The following KCNIP4 variants were observed in gnomAD, a reference collection of about 807,000 sequenced individuals.
KCNIP4 encodes the protein potassium voltage-gated channel interacting protein 4, also known as Kv channel-interacting protein 4.
KCNIP4 carries 12 observed loss-of-function variants against 34.0 expected under a neutral mutation model. The ratio of observed to expected loss-of-function variants is 0.35; its 90% CI spans 0.23 to 0.57. KCNIP4 has a LOEUF of 0.57. KCNIP4 is among the 20% of genes least tolerant of loss of function. KCNIP4 has a pLI of 0.83. For synonymous variants in KCNIP4, 124 were observed against 102.2 expected (o/e 1.21, Z -1.29); for missense variants, 238 against 311.7 (o/e 0.76, Z 1.78).
intron 1 of KCNIP4, among the ~76,000 whole-genome samples, chr4:21,547,685 G>A (rs562032261): frequency 1.3e-5 from 2 of 152,176 alleles, no homozygotes; most frequent in South Asian, 2.1e-4. Flanking sequence ...ACATAAGGCC[G>A]AATGTCTGTT....
chr4:21,522,585 A>G (rs1337009757), intron 1 of KCNIP4, among the ~76,000 whole-genome samples: 5 of 152,042 alleles, frequency 3.3e-5, no homozygotes, highest in Admixed American at 3.3e-4. Context: ...AAAAAATAAG[A>G]CAAAAAATGC....
intron 1 of KCNIP4, among the ~76,000 whole-genome samples, chr4:21,854,473 G>C (rs1465698911): frequency 6.6e-6 from 1 of 151,906 alleles, no homozygotes; most frequent in Non-Finnish European, 1.5e-5. Flanking sequence ...ATCTACATTG[G>C]TCTTCTCCCC....
At chr4:21,237,929 A>G (rs191318230) in intron 1 of KCNIP4, among the ~76,000 whole-genome samples, 66 of 152,328 alleles carry the variant, frequency 4.3e-4, no homozygotes, top group African/African-American at 1.5e-3. Context: ...ACAACAAAAA[A>G]ATAGAATTTT....
chr4:21,691,696 T>TTC (rs1711658116), intron 1 of KCNIP4, among the ~76,000 whole-genome samples: 1 of 125,334 alleles, frequency 8.0e-6, no homozygotes, highest in Non-Finnish European at 1.6e-5. Flanking sequence ...CAGCTCTTTT[T>TTC]TTTTTTTTTT....
intron 1 of KCNIP4, among the ~76,000 whole-genome samples, chr4:21,931,137 T>A (rs1453656536): frequency 2.0e-5 from 3 of 152,086 alleles, no homozygotes; most frequent in Non-Finnish European, 4.4e-5. Flanking sequence ...TGCATGTCAT[T>A]ATAGAACAAC....
intron 1 of KCNIP4, among the ~76,000 whole-genome samples, chr4:21,048,557 A>G (rs2149788434): frequency 6.6e-6 from 1 of 152,306 alleles, no homozygotes; most frequent in Non-Finnish European, 1.5e-5. Flanking sequence ...ATTCATTTAT[A>G]TGGCTACAGA....
intron 1 of KCNIP4, among the ~76,000 whole-genome samples, chr4:21,096,711 T>C (rs1454469280): frequency 6.6e-6 from 1 of 152,164 alleles, no homozygotes; most frequent in Non-Finnish European, 1.5e-5. Flanking sequence ...CAATATATAT[T>C]TGGTTTTCAC....
intron 1 of KCNIP4, among the ~76,000 whole-genome samples, chr4:21,016,511 G>A (rs553956943): frequency 6.6e-6 from 1 of 152,166 alleles, no homozygotes; most frequent in South Asian, 2.1e-4. Flanking sequence ...TAGCCTGGAT[G>A]GTCTCGATCT....
intron 3 of KCNIP4, among the ~76,000 whole-genome samples, chr4:20,847,214 T>C (rs568205087): frequency 2.0e-4 from 30 of 152,256 alleles, no homozygotes; most frequent in Non-Finnish European, 3.7e-4. Flanking sequence ...TAGTTATCAT[T>C]ATCCCAGTTT....
intron 1 of KCNIP4, among the ~76,000 whole-genome samples, chr4:21,738,128 TAAATAAATA>T (rs1560677448): frequency 1.8e-5 from 2 of 109,766 alleles, no homozygotes; most frequent in Non-Finnish European, 3.9e-5. Context: ...AATAAATAAA[TAAATAAATA>T]ATAAATAAAA....
intron 1 of KCNIP4, among the ~76,000 whole-genome samples, chr4:21,125,494 T>C (rs6829039): frequency 0.52 from 78,484 of 151,854 alleles, 21,597 homozygotes; most frequent in African/African-American, 0.71. Context: ...GGATTCCAGG[T>C]GTGAGCCAAC....
intron 1 of KCNIP4, among the ~76,000 whole-genome samples, chr4:20,993,763 G>T (rs1464653283): frequency 6.6e-6 from 1 of 152,168 alleles, no homozygotes; most frequent in Non-Finnish European, 1.5e-5. Flanking sequence ...CACAAGCCTG[G>T]TGGCTAAAAC....
intron 1 of KCNIP4, among the ~76,000 whole-genome samples, chr4:20,905,509 CTTT>C (rs10686415): frequency 2.7e-5 from 2 of 72,804 alleles, no homozygotes; most frequent in South Asian, 4.3e-4. Flanking sequence ...CGTTTTCTTT[CTTT>C]TTTTTTTTTT....
chr4:21,823,400 T>G (rs887392568), intron 1 of KCNIP4, among the ~76,000 whole-genome samples: 2 of 151,972 alleles, frequency 1.3e-5, no homozygotes, highest in Non-Finnish European at 2.9e-5. Flanking sequence ...AAAACTATAT[T>G]ATTCAATTTT....
At chr4:21,445,581 C>A (rs1192583261) in intron 1 of KCNIP4, among the ~76,000 whole-genome samples, 2 of 152,212 alleles carry the variant, frequency 1.3e-5, no homozygotes, top group East Asian at 1.9e-4. Flanking sequence ...ATGGAGAAAG[C>A]TGAAACTGGA....
intron 1 of KCNIP4, among the ~76,000 whole-genome samples, chr4:21,600,328 A>C (rs1743006823): frequency 6.6e-6 from 1 of 152,112 alleles, no homozygotes; most frequent in Admixed American, 6.6e-5. Flanking sequence ...TGACATTATT[A>C]AGATTTTAAA....
intron 3 of KCNIP4, among the ~76,000 whole-genome samples, chr4:20,801,045 G>A (rs139736382): frequency 4.7e-4 from 72 of 152,166 alleles, no homozygotes; most frequent in African/African-American, 1.7e-3. Context: ...AAAACATCAA[G>A]TCACATACAA....
chr4:21,837,704 T>TC (rs1553936480), intron 1 of KCNIP4, among the ~76,000 whole-genome samples: 1 of 151,692 alleles, frequency 6.6e-6, no homozygotes, highest in Non-Finnish European at 1.5e-5. Context: ...TGTAAGTCCA[T>TC]GAAGTTGTTC....
chr4:21,700,279 C>T (rs993170867), intron 1 of KCNIP4, among the ~76,000 whole-genome samples: 1 of 152,182 alleles, frequency 6.6e-6, no homozygotes, highest in Non-Finnish European at 1.5e-5. Flanking sequence ...AATAGCCATT[C>T]TAACAGATAT....
Sources: allele counts gnomAD v4.1 joint callset (sites outside exome capture counted in the v4.1 genomes callset), GRCh38; gene constraint gnomAD v4.1.1; transcripts MANE v1.5; gene names NCBI Gene and HGNC (gene_info 2026-07-23, HGNC 2026-07-21).